The following ELOF1 variants were observed in gnomAD, a reference collection of about 807,000 sequenced individuals.
ELOF1 encodes the protein transcription elongation factor 1 homolog.
Under a neutral mutation model 7.1 loss-of-function variants are expected in ELOF1, and 4 were observed. That is an observed-to-expected ratio of 0.56 (90% CI 0.28 to 1.29). The LOEUF is 1.29. Ranked by LOEUF, ELOF1 falls within the 50% of genes most tolerant of loss-of-function variation. The probability of loss-of-function intolerance (pLI) is 0.10; values close to 1 mark genes in which losing one functional copy is unlikely to be tolerated. For missense variants in ELOF1, 59 were observed against 86.3 expected, an observed-to-expected ratio of 0.68 and a Z score of 1.25; for synonymous variants, 31 against 31.9, an observed-to-expected ratio of 0.97 and a Z score of 0.09.
intron 1 of ELOF1, chr19:11,555,119 T>A: frequency 4.1e-6 from 1 of 244,022 alleles, no homozygotes; most frequent in South Asian, 3.4e-5. Context: ...TAGCTGGCCA[T>A]AGTGGCAGGC....
intron 1 of ELOF1, among the ~76,000 whole-genome samples, chr19:11,558,296 T>C (rs1454053113): frequency 6.6e-6 from 1 of 152,018 alleles, no homozygotes; most frequent in African/African-American, 2.4e-5. Flanking sequence ...TTGTATTTTT[T>C]GTAGAGACAG....
chr19:11,558,635 G>A (rs1292576612), intron 1 of ELOF1, among the ~76,000 whole-genome samples: 1 of 151,638 alleles, frequency 6.6e-6, no homozygotes, highest in East Asian at 2.0e-4. Flanking sequence ...GCAAGCTGAA[G>A]TGGGAAGCTT....
chr19:11,554,304 T>A (rs1258498950), exon 2 of ELOF1: 4 of 1,613,940 alleles, frequency 2.5e-6, no homozygotes, highest in East Asian at 2.2e-5. Context: ...GCCTGTCATC[T>A]TCTTCTTGGG....
chr19:11,553,338 C>T, intron 3 of ELOF1: 1 of 448,502 alleles, frequency 2.2e-6, no homozygotes, highest in East Asian at 3.3e-5. Flanking sequence ...TTCCCTTGTC[C>T]AGGATGTCAG....
chr19:11,555,211 C>T (rs1313928483), intron 1 of ELOF1: 4 of 205,696 alleles, frequency 1.9e-5, no homozygotes, highest in South Asian at 4.8e-5. Context: ...GAGCCGAGAT[C>T]GCACCATTGC....
intron 3 of ELOF1, chr19:11,553,442 G>C (rs1972761139): frequency 1.9e-6 from 1 of 527,038 alleles, no homozygotes. Flanking sequence ...TCGGAGCCAA[G>C]TGAGATCAGT....
In ELOF1 at chr19:11,554,255, G is replaced by A. The variant is rs764437047; in HGVS notation, c.93C>T (p.His31=). Reference sequence around the variant, plus strand: ...ACATTTTCACATCACAGGATTTCTCGTGGTTGCAGAAGGGGCAGGTGAACT... The same window carrying A: ...ACATTTTCACATCACAGGATTTCTCATGGTTGCAGAAGGGGCAGGTGAACT... Residue 31 remains histidine, a synonymous_variant, in exon 2 of 4, where the codon CAC becomes CAT. Transcript: ENST00000586683. 2.5e-6 allele frequency: 4 copies of A among 1,613,700 alleles called. No individual in the cohort carries two copies. The African/African-American group carries it at 4.0e-5, about 16-fold the overall frequency.
intron 3 of ELOF1, chr19:11,553,584 CACACACACACACACA>C: frequency 1.6e-4 from 1 of 6,432 alleles, no homozygotes; most frequent in African/African-American, 5.3e-3. Flanking sequence ...ACACCCACTA[CACACACACACACACA>C]CACACACACA....
chr19:11,557,170 A>G (rs1972845193), intron 1 of ELOF1, among the ~76,000 whole-genome samples: 1 of 151,962 alleles, frequency 6.6e-6, no homozygotes, highest in Non-Finnish European at 1.5e-5. Context: ...CTCCCATTCC[A>G]GAGGTCCTTC....
intron 3 of ELOF1, chr19:11,553,209 G>A (rs1011767265): frequency 3.3e-5 from 13 of 399,858 alleles, no homozygotes; most frequent in Non-Finnish European, 4.8e-5. Flanking sequence ...GGGGAACGGC[G>A]GCTTTGAATC....
At chr19:11,553,251 A>AT in intron 3 of ELOF1, 1 of 398,954 alleles carries the variant, frequency 2.5e-6, no homozygotes, top group Non-Finnish European at 4.4e-6. Context: ...GTGGAGAAGG[A>AT]GAGCGGGAAG....
At chr19:11,553,426 A>G (rs1346447239) in intron 3 of ELOF1, 2 of 509,792 alleles carry the variant, frequency 3.9e-6, no homozygotes, top group Non-Finnish European at 7.0e-6. Context: ...AACACAGCAA[A>G]GGCTTTCGGA....
At chr19:11,555,446 G>C (rs1401269548) in intron 1 of ELOF1, 1 of 152,536 alleles carries the variant, frequency 6.6e-6, no homozygotes, top group African/African-American at 2.4e-5. Context: ...GCTGTTCAGG[G>C]CCGGGTGGAG....
chr19:11,555,962 C>T (rs1254178160), intron 1 of ELOF1, among the ~76,000 whole-genome samples: 4 of 152,012 alleles, frequency 2.6e-5, no homozygotes, highest in African/African-American at 9.7e-5. Flanking sequence ...TGGCATCATT[C>T]TCTGATGTCT....
At position 11,554,331 on chromosome 19, in the gene ELOF1, G is replaced by T; in HGVS notation, c.17C>A (p.Ser6Ter). ...CTTCTTGGGAGGCGGCTTTCGTTTT[G>T]ACTTTCTGCGCCCCATGTCTGCAGG... is the stretch of plus-strand genomic sequence containing the variant. Residue 6 changes from serine to a stop codon, truncating the protein, a stop_gained, in exon 2 of 4, where the codon TCA becomes TAA. Transcript: ENST00000586683. LOFTEE classifies it high-confidence loss of function. 6.2e-7 allele frequency: 1 copy of T among 1,613,916 alleles called. No homozygotes were observed. Among genetic ancestry groups the T allele is most frequent in the Non-Finnish European group, 8.5e-7 (1 of 1,179,980 alleles).
chr19:11,553,370 C>G (rs1972759010), intron 3 of ELOF1: 2 of 455,068 alleles, frequency 4.4e-6, no homozygotes, highest in South Asian at 9.8e-5. Flanking sequence ...CCAATTCCGC[C>G]GGGGGGAGCC....
intron 1 of ELOF1, 106 bp from the exon 2 acceptor site, chr19:11,554,471 C>T: frequency 6.8e-7 from 1 of 1,468,012 alleles, no homozygotes; most frequent in Non-Finnish European, 9.1e-7. Flanking sequence ...GCACCGTGGT[C>T]CCGGGGCCTC....
At chr19:11,556,939 A>G (rs988302187) in intron 1 of ELOF1, among the ~76,000 whole-genome samples, 1 of 152,096 alleles carries the variant, frequency 6.6e-6, no homozygotes, top group Non-Finnish European at 1.5e-5. Context: ...AGCAACATCA[A>G]ATTTTCCAGC....
chr19:11,553,593 A>G (rs976592016), intron 3 of ELOF1: 3 of 409,816 alleles, frequency 7.3e-6, no homozygotes, highest in Non-Finnish European at 7.6e-6. Flanking sequence ...ACACACACAC[A>G]CACACACACA....
Sources: gnomAD v4.1 joint callset for allele counts (sites outside exome capture counted in the v4.1 genomes callset) on GRCh38, gnomAD v4.1.1 for gene constraint, MANE v1.5 for transcripts, NCBI Gene and HGNC (gene_info 2026-07-23, HGNC 2026-07-21) for gene names.